The following POU6F2 variants were observed in gnomAD, a reference collection of about 807,000 sequenced individuals.
POU6F2 encodes POU class 6 homeobox 2.
In POU6F2, 31 loss-of-function variants were observed where a neutral mutation model predicts 71.3. That is an observed-to-expected ratio of 0.43 (90% CI 0.33 to 0.59). POU6F2 has a LOEUF of 0.59. POU6F2 is among the 20% of genes least tolerant of loss of function. The probability of loss-of-function intolerance (pLI) is 0.04; values close to 1 mark genes in which losing one functional copy is unlikely to be tolerated. For synonymous variants in POU6F2, 347 were observed against 355.7 expected (o/e 0.98, Z 0.27); for missense variants, 783 against 856.8 (o/e 0.91, Z 1.07).
At chr7:39,042,626 T>A (rs1790212800) in intron 1 of POU6F2, among the ~76,000 whole-genome samples, 1 of 152,038 alleles carries the variant, frequency 6.6e-6, no homozygotes, top group South Asian at 2.1e-4. Context: ...TGACCTAGCC[T>A]ATGCTGACTG....
intron 4 of POU6F2, among the ~76,000 whole-genome samples, chr7:39,338,453 G>C (rs1023519958): frequency 1.3e-5 from 2 of 152,098 alleles, no homozygotes; most frequent in Non-Finnish European, 1.5e-5. Flanking sequence ...CCACACACTG[G>C]ACTGCTTGCA....
At chr7:39,309,596 G>A (rs907921925) in intron 4 of POU6F2, among the ~76,000 whole-genome samples, 9 of 152,164 alleles carry the variant, frequency 5.9e-5, no homozygotes, top group Admixed American at 5.2e-4. Context: ...ACAAACTGAA[G>A]GGCATTTAAA....
intron 1 of POU6F2, among the ~76,000 whole-genome samples, chr7:39,038,109 A>G (rs551340614): frequency 6.6e-6 from 1 of 152,192 alleles, no homozygotes; most frequent in East Asian, 1.9e-4. Flanking sequence ...AAATTAAGGA[A>G]TAAAATGGTT....
intron 5 of POU6F2, among the ~76,000 whole-genome samples, chr7:39,379,324 A>G (rs1786777543): frequency 6.6e-6 from 1 of 152,134 alleles, no homozygotes; most frequent in African/African-American, 2.4e-5. Context: ...ATTTTACTAT[A>G]TTACTCTTCC....
intron 4 of POU6F2, among the ~76,000 whole-genome samples, chr7:39,272,367 C>T (rs946271613): frequency 1.3e-5 from 2 of 152,218 alleles, no homozygotes; most frequent in Non-Finnish European, 2.9e-5. Flanking sequence ...CCTCCTCCCT[C>T]TGGACCAGGG....
intron 1 of POU6F2, among the ~76,000 whole-genome samples, chr7:39,015,908 T>TATAGA (rs1491133686): frequency 2.2e-5 from 1 of 46,226 alleles, no homozygotes; most frequent in East Asian, 8.3e-4. Context: ...TAGATATATA[T>TATAGA]TATATATTAT....
chr7:38,979,910 A>G (rs1474860078), intron 1 of POU6F2, among the ~76,000 whole-genome samples: 2 of 152,122 alleles, frequency 1.3e-5, no homozygotes, highest in Non-Finnish European at 2.9e-5. Context: ...GTTATTCAGT[A>G]TTGTTTATTG....
chr7:39,067,921 A>G (rs1790793941), intron 1 of POU6F2, among the ~76,000 whole-genome samples: 1 of 152,188 alleles, frequency 6.6e-6, no homozygotes, highest in Non-Finnish European at 1.5e-5. Context: ...AATACAAAAG[A>G]GAGGCTTTCT....
At chr7:39,044,126 C>CGG (rs1790246232) in intron 1 of POU6F2, among the ~76,000 whole-genome samples, 1 of 151,830 alleles carries the variant, frequency 6.6e-6, no homozygotes, top group Non-Finnish European at 1.5e-5. Flanking sequence ...GGGATTCTTA[C>CGG]GCACAGGAGA....
chr7:39,057,769 G>C (rs905392145), intron 1 of POU6F2, among the ~76,000 whole-genome samples: 2 of 152,106 alleles, frequency 1.3e-5, no homozygotes, highest in Non-Finnish European at 2.9e-5. Flanking sequence ...AGGCTTTTCA[G>C]TTGACAGTTC....
At chr7:39,128,236 T>C (rs1235067873) in intron 2 of POU6F2, among the ~76,000 whole-genome samples, 1 of 152,212 alleles carries the variant, frequency 6.6e-6, no homozygotes, top group Non-Finnish European at 1.5e-5. Flanking sequence ...ATATGCATAC[T>C]TTTATATTTT....
At chr7:38,992,487 GA>G (rs1788630274) in intron 1 of POU6F2, among the ~76,000 whole-genome samples, 1 of 152,198 alleles carries the variant, frequency 6.6e-6, no homozygotes, top group South Asian at 2.1e-4. Context: ...CTTAAAACGT[GA>G]AGAGGGGACA....
chr7:39,181,341 C>A (rs1325525217), intron 2 of POU6F2, among the ~76,000 whole-genome samples: 1 of 152,144 alleles, frequency 6.6e-6, no homozygotes, highest in East Asian at 1.9e-4. Context: ...TCAACTCTGG[C>A]GGCCTTCACC....
chr7:39,007,743 T>C (rs1410214680), intron 1 of POU6F2, among the ~76,000 whole-genome samples: 9 of 151,826 alleles, frequency 5.9e-5, no homozygotes, highest in African/African-American at 2.2e-4. Flanking sequence ...GATCTCATTG[T>C]TCAGTTCCCA....
intron 3 of POU6F2, among the ~76,000 whole-genome samples, chr7:39,207,024 A>G (rs945017339): frequency 6.6e-6 from 1 of 152,200 alleles, no homozygotes; most frequent in East Asian, 1.9e-4. Flanking sequence ...GAATCAAAAA[A>G]TCCCACTGAT....
In POU6F2 at chr7:39,339,896, C is replaced by G. The variant is rs1403840346; in HGVS notation, c.853C>G (p.His285Asp). Reference sequence around the variant, plus strand: ...GCCCCAGCAGCACCAACCCCACTCCCACTCCCAGAACCAGAACCAACCATC... The same window carrying G: ...GCCCCAGCAGCACCAACCCCACTCCGACTCCCAGAACCAGAACCAACCATC... ...PQPQQHQPHS[H>D]SQNQNQPSPT... Residue 285 changes from histidine to aspartate, a missense_variant, in exon 5 of 10, where the codon CAC becomes GAC. This residue lies in a region of POU6F2 where 572 missense variants were observed against 572.9 expected (regional missense o/e 1.00). Coordinates refer to ENST00000518318, the MANE Select transcript of POU6F2 (RefSeq NM_001370959.1). 6.2e-7 allele frequency: 1 copy of G among 1,613,960 alleles called. No homozygotes were observed. The highest frequency in any genetic ancestry group is 1.1e-5 in the South Asian group (1 of 91,066).
At chr7:39,456,368 A>C (rs1583618948) in intron 8 of POU6F2, among the ~76,000 whole-genome samples, 3 of 152,292 alleles carry the variant, frequency 2.0e-5, no homozygotes, top group Admixed American at 2.0e-4. Context: ...TATTTATCAC[A>C]ATCACCTCTT....
chr7:39,393,129 G>T (rs1787107639), intron 5 of POU6F2, among the ~76,000 whole-genome samples: 1 of 152,158 alleles, frequency 6.6e-6, no homozygotes, highest in African/African-American at 2.4e-5. Flanking sequence ...TCTACAGGTA[G>T]TGGTTCTTAC....
intron 5 of POU6F2, among the ~76,000 whole-genome samples, chr7:39,381,937 G>GA (rs1361825443): frequency 2.0e-5 from 3 of 151,952 alleles, no homozygotes; most frequent in Non-Finnish European, 2.9e-5. Flanking sequence ...CAAAGTGTAA[G>GA]AAAAAACATT....
Sources: gnomAD v4.1 joint callset for allele counts (sites outside exome capture counted in the v4.1 genomes callset) on GRCh38, gnomAD v4.1.1 for gene constraint, gnomAD v4.1.1 regional missense constraint, MANE v1.5 for transcripts, NCBI Gene and HGNC (gene_info 2026-07-23, HGNC 2026-07-21) for gene names.